CEMIP2: variants seen among roughly 807,000 people sequenced by gnomAD.
CEMIP2 encodes the protein cell migration inducing hyaluronidase 2, also known as cell surface hyaluronidase CEMIP2.
CEMIP2 carries 79 observed loss-of-function variants against 146.9 expected under a neutral mutation model. The observed-to-expected ratio is 0.54, with a 90% CI of 0.45 to 0.65. The LOEUF (loss-of-function observed/expected upper bound fraction) is 0.65, where lower values mean the gene tolerates loss of function less well. Among genes scored for constraint, CEMIP2 ranks in the 30% least tolerant of loss-of-function variants. The pLI, the probability that CEMIP2 is intolerant of heterozygous loss-of-function variation, is 0.00. For missense variants in CEMIP2, 1,596 were observed against 1,696.2 expected (o/e 0.94, Z 1.04); for synonymous variants, 601 against 606.3 (o/e 0.99, Z 0.13).
chr9:71,743,615 C>G (rs1363537002), intron 4 of CEMIP2, among the ~76,000 whole-genome samples: 1 of 152,098 alleles, frequency 6.6e-6, no homozygotes. Flanking sequence ...TACTCACGCT[C>G]CCATTGCACC....
chr9:71,743,093 G>T (rs1823969482), intron 4 of CEMIP2, among the ~76,000 whole-genome samples: 1 of 152,160 alleles, frequency 6.6e-6, no homozygotes, highest in Non-Finnish European at 1.5e-5. Context: ...AAATGAGCCA[G>T]CACTACATGC....
chr9:71,716,476 A>G, intron 14 of CEMIP2, 41 bp downstream of exon 14: 4 of 1,494,148 alleles, frequency 2.7e-6, no homozygotes, highest in Non-Finnish European at 3.7e-6. Context: ...GGGTTATTTT[A>G]AAGCTTTAAA....
chr9:71,732,809 C>T (rs1320449598), intron 6 of CEMIP2, among the ~76,000 whole-genome samples: 2 of 143,560 alleles, frequency 1.4e-5, no homozygotes, highest in African/African-American at 5.1e-5. Context: ...CGGGTTCATG[C>T]CATTCTCCTG....
chr9:71,729,436 G>C (rs1823546264), intron 10 of CEMIP2, among the ~76,000 whole-genome samples: 1 of 151,892 alleles, frequency 6.6e-6, no homozygotes, highest in South Asian at 2.1e-4. Flanking sequence ...TAGCTAAAAA[G>C]GTGAAACCCC....
Position 71,746,224 on chromosome 9 carries a change from T to C in CEMIP2, c.449A>G (p.His150Arg), listed in dbSNP as rs1191636632. ...MLRLTSDATVHSIVIQDGGLL... is the reference protein window; with the variant it reads ...MLRLTSDATVRSIVIQDGGLL... ...ACCTCCATCCTGAATGACTATAGAA[T>C]GCACGGTGGCGTCTGAGGTCAGACG... The change falls in exon 3 of 24, where the codon CAT becomes CGT. Residue 150 changes from histidine to arginine, a missense_variant. Transcript: ENST00000377044. 5 of 1,613,918 alleles carry C rather than the reference T, an allele frequency of 3.1e-6. No homozygotes were observed. Among genetic ancestry groups the C allele is most frequent in the Non-Finnish European group, 4.2e-6 (5 of 1,179,844 alleles).
chr9:71,746,596 C>CA (rs5898226), intron 2 of CEMIP2, among the ~76,000 whole-genome samples: 13,871 of 75,000 alleles, frequency 0.18, 1,372 homozygotes, highest in African/African-American at 0.25. Flanking sequence ...CAAACTTCAC[C>CA]AAAAAAAAAA....
Position 71,734,957 on chromosome 9 carries a change from A to T in CEMIP2, c.1242T>A (p.Asp414Glu). ...CATCTAGCAAATTTAGCTTCACTCC[A>T]TCTACAACCTCTACCCGGAATCCTG... ...SLSGFRVEVV[D>E]GVKLNLLDDV... The change falls in exon 6 of 24, where the codon GAT becomes GAA. Residue 414 changes from aspartate (D) to glutamate (E), a missense_variant. Asp to Glu is a conservative substitution (Grantham distance 45). Coordinates refer to ENST00000377044, the MANE Select transcript of CEMIP2 (RefSeq NM_013390.3). The T allele has an allele frequency of 6.2e-7, 1 of 1,613,528 alleles. No homozygotes were observed. The highest frequency in any genetic ancestry group is 8.5e-7 in the Non-Finnish European group (1 of 1,179,934).
intron 17 of CEMIP2, among the ~76,000 whole-genome samples, chr9:71,705,819 A>G (rs1008937289): frequency 5.3e-5 from 8 of 150,982 alleles, no homozygotes; most frequent in Non-Finnish European, 1.0e-4. Context: ...GTGTGTGTGT[A>G]TATATATATA....
intron 6 of CEMIP2, among the ~76,000 whole-genome samples, chr9:71,732,903 G>A (rs995783008): frequency 2.0e-5 from 3 of 151,672 alleles, no homozygotes; most frequent in Admixed American, 6.6e-5. Context: ...TAACTGTTCT[G>A]CCAATTCTCA....
At chr9:71,718,151 G>A in intron 12 of CEMIP2, 72 bp from the exon 13 acceptor site, 2 of 1,354,230 alleles carry the variant, frequency 1.5e-6, no homozygotes, top group Admixed American at 5.1e-5. Context: ...ATAAGTTTAA[G>A]TGTCAAGAAG....
At chr9:71,752,170 G>A (rs1824272598) in intron 1 of CEMIP2, among the ~76,000 whole-genome samples, 1 of 151,710 alleles carries the variant, frequency 6.6e-6, no homozygotes, top group Non-Finnish European at 1.5e-5. Flanking sequence ...CTTAAACCTA[G>A]GTATTTTTAC....
At chr9:71,706,907 C>A (rs1822758406) in intron 17 of CEMIP2, among the ~76,000 whole-genome samples, 1 of 152,156 alleles carries the variant, frequency 6.6e-6, no homozygotes, top group Admixed American at 6.5e-5. Flanking sequence ...CAGCTCACTG[C>A]AAACTCTGCC....
chr9:71,749,902 A>G, intron 2 of CEMIP2, 141 bp downstream of exon 2: 1 of 653,730 alleles, frequency 1.5e-6, no homozygotes. Context: ...GCTCTCATTC[A>G]TAAGAAGTGA....
chr9:71,751,652 C>T (rs895055226), intron 1 of CEMIP2, among the ~76,000 whole-genome samples: 2 of 152,106 alleles, frequency 1.3e-5, no homozygotes, highest in African/African-American at 2.4e-5. Context: ...GCAAACAGGG[C>T]CCTGGATTTT....
chr9:71,688,484 G>T (rs1215229087), intron 22 of CEMIP2, among the ~76,000 whole-genome samples: 1 of 151,874 alleles, frequency 6.6e-6, no homozygotes, highest in Non-Finnish European at 1.5e-5. Context: ...TGCCTCCTAG[G>T]TTCAAGCAGT....
chr9:71,751,301 G>A (rs988287961), intron 1 of CEMIP2, among the ~76,000 whole-genome samples: 3 of 152,086 alleles, frequency 2.0e-5, no homozygotes, highest in Non-Finnish European at 4.4e-5. Flanking sequence ...AAAATATCAA[G>A]TCAGCTTACA....
intron 21 of CEMIP2, among the ~76,000 whole-genome samples, chr9:71,691,190 T>C (rs1266546518): frequency 1.3e-5 from 2 of 152,230 alleles, no homozygotes; most frequent in African/African-American, 2.4e-5. Flanking sequence ...CCCAGCACTT[T>C]GGGAGGTTGA....
intron 11 of CEMIP2, among the ~76,000 whole-genome samples, chr9:71,723,248 G>A (rs1157892343): frequency 6.6e-6 from 1 of 151,562 alleles, no homozygotes; most frequent in African/African-American, 2.4e-5. Flanking sequence ...GAATTGATGT[G>A]CTACAGAAGT....
At chr9:71,738,898 T>C (rs949155377) in intron 5 of CEMIP2, among the ~76,000 whole-genome samples, 4 of 152,140 alleles carry the variant, frequency 2.6e-5, no homozygotes, top group African/African-American at 9.7e-5. Context: ...AGAATTTGTT[T>C]CTATCTGTTA....
Sources: allele counts gnomAD v4.1 joint callset (sites outside exome capture counted in the v4.1 genomes callset), GRCh38; gene constraint gnomAD v4.1.1; transcripts MANE v1.5; gene names NCBI Gene and HGNC (gene_info 2026-07-23, HGNC 2026-07-21).